The following RYR2 variants were observed in gnomAD, a reference collection of about 807,000 sequenced individuals.
RYR2 encodes cardiac muscle ryanodine receptor-calcium release channel.
RYR2 carries 227 observed loss-of-function variants against 601.1 expected under a neutral mutation model. That is an observed-to-expected ratio of 0.38 (90% confidence interval 0.34 to 0.42). The LOEUF is 0.42. Ranked by LOEUF, RYR2 falls within the 10% of genes least tolerant of loss-of-function variation. The pLI is 1.00. For missense variants in RYR2, 4,646 were observed against 6,156.5 expected, an observed-to-expected ratio of 0.75 and a Z score of 8.21; for synonymous variants, 2,223 against 2,175.1, an observed-to-expected ratio of 1.02 and a Z score of -0.61.
At chr1:237,548,052 A>G in intron 25 of RYR2, among the ~76,000 whole-genome samples, 1 of 152,162 alleles carries the variant, frequency 6.6e-6, no homozygotes, top group African/African-American at 2.4e-5. Flanking sequence ...TTAACAATTG[A>G]AGAAAAATGA....
intron 1 of RYR2, among the ~76,000 whole-genome samples, chr1:237,189,251 CGTT>C (rs1679700516): frequency 6.6e-6 from 1 of 152,116 alleles, no homozygotes; most frequent in Non-Finnish European, 1.5e-5. Context: ...CATAATGTCA[CGTT>C]GTGTATATAT....
intron 38 of RYR2, among the ~76,000 whole-genome samples, chr1:237,622,185 AGC>A (rs1381647883): frequency 1.6e-4 from 25 of 152,234 alleles, no homozygotes; most frequent in Non-Finnish European, 3.5e-4. Context: ...ATTATGGGAA[AGC>A]ATCTTTCTCT....
At chr1:237,693,344 A>G (rs1198762908) in intron 63 of RYR2, among the ~76,000 whole-genome samples, 1 of 152,188 alleles carries the variant, frequency 6.6e-6, no homozygotes, top group Non-Finnish European at 1.5e-5. Context: ...TGATCCTTTC[A>G]GTTCCAGGAA....
chr1:237,064,671 T>TACTACTCAGAAG (rs1392000630), intron 1 of RYR2, among the ~76,000 whole-genome samples: 3 of 151,976 alleles, frequency 2.0e-5, no homozygotes, highest in African/African-American at 7.2e-5. Context: ...TTGCCCTTCC[T>TACTACTCAGAAG]AGTAGGTATA....
At chr1:237,500,970 C>G in intron 21 of RYR2, 67 bp downstream of exon 21, 1 of 1,396,382 alleles carries the variant, frequency 7.2e-7, no homozygotes, top group Non-Finnish European at 1.0e-6. Flanking sequence ...GAAGACTCTG[C>G]ACTGCCATTG....
intron 29 of RYR2, among the ~76,000 whole-genome samples, chr1:237,584,683 T>A (rs1203754423): frequency 1.1e-5 from 1 of 88,258 alleles, no homozygotes; most frequent in Non-Finnish European, 2.2e-5. Context: ...TGAGACAGGG[T>A]CTCGCCTTGC....
At chr1:237,499,738 G>A (rs998039610) in intron 20 of RYR2, among the ~76,000 whole-genome samples, 2 of 151,992 alleles carry the variant, frequency 1.3e-5, no homozygotes, top group African/African-American at 4.8e-5. Flanking sequence ...AGAGATATTG[G>A]CATGCTAGAA....
chr1:237,493,719 T>C (rs1277325089), intron 19 of RYR2, among the ~76,000 whole-genome samples: 1 of 152,238 alleles, frequency 6.6e-6, no homozygotes, highest in Non-Finnish European at 1.5e-5. Flanking sequence ...CCCAAAATGC[T>C]GGGATTACAG....
chr1:237,335,718 C>G (rs1371925178), intron 3 of RYR2, among the ~76,000 whole-genome samples: 1 of 152,076 alleles, frequency 6.6e-6, no homozygotes, highest in African/African-American at 2.4e-5. Context: ...TAAAATTAAT[C>G]ATTCTTTGCT....
rs121918604 is a variant in RYR2 at position 237,798,037 on chromosome 1, G to A, written c.13957G>A (p.Val4653Ile). Residue 4653 changes from valine to isoleucine, a missense_variant and splice_region_variant, in exon 97 of 105, where the codon GTT becomes ATT. Physicochemically the swap from Val to Ile is conservative, Grantham distance 29. Around this residue, in one of 17 missense-constraint regions of RYR2, gnomAD observed 37 missense variants for 102.8 expected, o/e 0.36. Transcript: ENST00000366574. ...NYWDKFVKRK[V>I]MDKYGEFYGR... ...AAAATGCTTTTTCTCATACCCCAAG[G>A]TTATGGATAAATATGGAGAGTTCTA... The A allele has an allele frequency of 3.7e-6, 6 of 1,609,472 alleles. No individual in the cohort carries two copies. In the South Asian group the frequency reaches 4.4e-5, roughly 12 times the overall value.
chr1:237,797,931 G>T, intron 96 of RYR2, 106 bp from the exon 97 acceptor site: 1 of 1,063,216 alleles, frequency 9.4e-7, no homozygotes, highest in Non-Finnish European at 1.3e-6. Context: ...TGATTGTTAG[G>T]GCAAATATAC....
At chr1:237,334,439 A>AT (rs1322605185) in intron 3 of RYR2, among the ~76,000 whole-genome samples, 5 of 126,260 alleles carry the variant, frequency 4.0e-5, no homozygotes, top group South Asian at 2.3e-4. Context: ...TGTTTAATTA[A>AT]AATATATATA....
chr1:237,609,630 G>T (rs989649560), intron 35 of RYR2, among the ~76,000 whole-genome samples: 12 of 151,856 alleles, frequency 7.9e-5, no homozygotes, highest in Admixed American at 2.6e-4. Flanking sequence ...CTCCCAAAGT[G>T]CTGGGATTAC....
Position 237,590,004 on chromosome 1 carries a change from T to C in RYR2, c.3807+3T>C. 1.2e-6 allele frequency: 2 copies of C among 1,606,468 alleles called. No homozygotes were observed. The highest frequency in any genetic ancestry group is 1.7e-6 in the Non-Finnish European group (2 of 1,176,198). ...CATCAAACCATGAACATATAGAGGT[T>C]TGCTTTTTCTTTAAAAATCAGGCCA... On this transcript the variant is annotated splice_donor_region_variant and intron_variant, in intron 30 of 104. Transcript: ENST00000366574.
chr1:237,426,836 C>T (rs1414920681), intron 12 of RYR2, among the ~76,000 whole-genome samples: 2 of 151,948 alleles, frequency 1.3e-5, no homozygotes, highest in African/African-American at 2.4e-5. Flanking sequence ...ATGATCATGC[C>T]CACTGCATTC....
At chr1:237,428,591 C>A (rs1015155628) in intron 12 of RYR2, among the ~76,000 whole-genome samples, 1 of 151,494 alleles carries the variant, frequency 6.6e-6, no homozygotes. Context: ...ACACCAGGGC[C>A]TCTCGGTGGG....
chr1:237,316,776 T>A (rs1695155715), intron 2 of RYR2, among the ~76,000 whole-genome samples: 2 of 152,352 alleles, frequency 1.3e-5, no homozygotes, highest in Non-Finnish European at 2.9e-5. Context: ...TTTTTAAAGA[T>A]GTTCATTTTA....
At chr1:237,475,312 T>C (rs1337472118) in intron 17 of RYR2, among the ~76,000 whole-genome samples, 2 of 152,202 alleles carry the variant, frequency 1.3e-5, no homozygotes, top group African/African-American at 2.4e-5. Context: ...TATAGTTATA[T>C]TGATGGGGTG....
chr1:237,787,784 TACCCATCTCCAGGGGACTGTG>T (rs1657822745), intron 91 of RYR2, among the ~76,000 whole-genome samples, 183 bp from the exon 92 acceptor site: 1 of 152,098 alleles, frequency 6.6e-6, no homozygotes, highest in Admixed American at 6.5e-5. Flanking sequence ...TTCACAGAAT[TACCCATCTCCAGGGGACTGTG>T]ATCAACAGAA....
Sources: gnomAD v4.1 joint callset for allele counts (sites outside exome capture counted in the v4.1 genomes callset) on GRCh38, gnomAD v4.1.1 for gene constraint, gnomAD v4.1.1 regional missense constraint, MANE v1.5 for transcripts, NCBI Gene and HGNC (gene_info 2026-07-23, HGNC 2026-07-21) for gene names.